MEIS3: variants seen among roughly 807,000 people sequenced by gnomAD.
MEIS3 encodes the protein homeobox protein Meis3.
Under a neutral mutation model 51.4 loss-of-function variants are expected in MEIS3, and 38 were observed. The ratio of observed to expected loss-of-function variants is 0.74; its 90% CI spans 0.57 to 0.97. The LOEUF (loss-of-function observed/expected upper bound fraction) is 0.97, where lower values mean the gene tolerates loss of function less well. Among genes scored for constraint, MEIS3 ranks in the 50% least tolerant of loss-of-function variants. MEIS3 has a pLI of 0.00. For synonymous variants in MEIS3, 198 were observed against 201.8 expected, an observed-to-expected ratio of 0.98 and a Z score of 0.16; for missense variants, 456 against 502.6, an observed-to-expected ratio of 0.91 and a Z score of 0.89.
chr19:47,414,719 G>C lies in MEIS3; in HGVS notation c.595C>G (p.Gln199Glu), dbSNP rs1366843965. 1 of 1,597,412 alleles carries C rather than the reference G, an allele frequency of 6.3e-7. No individual in the cohort carries two copies. The highest frequency in any genetic ancestry group is 8.5e-7 in the Non-Finnish European group (1 of 1,172,906). Reference sequence around the variant, plus strand: ...CCTGGTGCCCGTCCCGGGCCCACCTGGTCTGGGAGGCTGGGGCAGGAGGCT... The same window carrying C: ...CCTGGTGCCCGTCCCGGGCCCACCTCGTCTGGGAGGCTGGGGCAGGAGGCT... Reference protein sequence around the residue: ...YPASCPSLPDQNNMWIRDHED... With the variant: ...YPASCPSLPDENNMWIRDHED... The change falls in exon 6 of 13, where the codon CAG becomes GAG. Residue 199 changes from glutamine to glutamate, a missense_variant and splice_region_variant. Coordinates refer to ENST00000558555, the MANE Select transcript of MEIS3 (RefSeq NM_001301059.2).
At chr19:47,409,078 C>G in intron 8 of MEIS3, 21 bp downstream of exon 8, 1 of 1,604,922 alleles carries the variant, frequency 6.2e-7, no homozygotes, top group Non-Finnish European at 8.5e-7. Flanking sequence ...CCACCCTGCA[C>G]CTGGGCAGCA....
rs1971413013 is a variant in MEIS3, at chr19:47,416,471, C to T, written c.396+181G>A. Reference sequence around the variant, plus strand: ...GGCAGAGCTGGGATTTGAACTCGGGCCATGGGTCCCGTTCTCAGACTCTAG... The same window carrying T: ...GGCAGAGCTGGGATTTGAACTCGGGTCATGGGTCCCGTTCTCAGACTCTAG... On this transcript the variant is annotated intron_variant, in intron 4 of 12. Coordinates refer to ENST00000558555, the MANE Select transcript of MEIS3 (RefSeq NM_001301059.2). 1.1e-5 allele frequency: 6 copies of T among 562,620 alleles called. No individual in the cohort carries two copies. In the South Asian group the frequency reaches 1.7e-4, roughly 16 times the overall value. The allele number at this position is 562,620 out of a possible 1,614,324, so 34.9% of individuals were successfully genotyped here.
chr19:47,403,735 G>T (rs1039195998), intron 12 of MEIS3, among the ~76,000 whole-genome samples, 182 bp from the exon 13 acceptor site: 3 of 152,130 alleles, frequency 2.0e-5, no homozygotes, highest in Non-Finnish European at 4.4e-5. Context: ...GAGAAAGAGG[G>T]AGACAGAGAA....
chr19:47,418,963 GTGT>G, intron 1 of MEIS3, 104 bp downstream of exon 1: 1 of 647,632 alleles, frequency 1.5e-6, no homozygotes, highest in Non-Finnish European at 2.2e-6. Flanking sequence ...GAGCGAGGTG[GTGT>G]AGAGGACGGA....
upstream of MEIS3, among the ~76,000 whole-genome samples, chr19:47,420,379 A>T (rs1226444241): frequency 1.3e-5 from 2 of 149,630 alleles, no homozygotes; most frequent in Non-Finnish European, 3.0e-5. Context: ...TGATTCTGAA[A>T]CCTAGAGGAG....
At position 47,416,761 on chromosome 19, in the gene MEIS3, G is replaced by A. The variant is rs375645047; in HGVS notation, c.345+43C>T. 732 of 1,612,612 alleles carry A rather than the reference G, an allele frequency of 4.5e-4. No individual in the cohort carries two copies. Among genetic ancestry groups the A allele is most frequent in the Non-Finnish European group, 5.8e-4 (686 of 1,179,372 alleles). ...TCCCGCCTTCCACCCACCCCTCCTCGCTGGCTCTCTGACTCGGTGTGTGGT... is the reference window on the plus strand; with the variant it reads ...TCCCGCCTTCCACCCACCCCTCCTCACTGGCTCTCTGACTCGGTGTGTGGT... On this transcript the variant is annotated intron_variant, in intron 3 of 12. Transcript: ENST00000558555.
At chr19:47,409,723 T>C (rs1195185376) in intron 6 of MEIS3, among the ~76,000 whole-genome samples, 176 bp from the exon 7 acceptor site, 2 of 151,566 alleles carry the variant, frequency 1.3e-5, no homozygotes, top group African/African-American at 2.4e-5. Context: ...ATTAGCCGGG[T>C]GTGGTGGCAT....
chr19:47,406,408 G>A, intron 12 of MEIS3, 52 bp downstream of exon 12: 1 of 1,518,396 alleles, frequency 6.6e-7, no homozygotes, highest in Admixed American at 1.7e-5. Flanking sequence ...GAGTCCTGAG[G>A]TCTAATGGAG....
intron 1 of MEIS3, chr19:47,418,411 C>A: frequency 6.5e-6 from 1 of 152,744 alleles, no homozygotes. Flanking sequence ...AAGGCACTCT[C>A]ACCAAAAGCG....
chr19:47,417,785 G>A, intron 1 of MEIS3: 2 of 631,792 alleles, frequency 3.2e-6, no homozygotes, highest in East Asian at 2.7e-5. Flanking sequence ...TTCACAGTTG[G>A]CAGATAAGCG....
At chr19:47,415,949 T>G (rs1971391432) in intron 4 of MEIS3, 1 of 152,090 alleles carries the variant, frequency 6.6e-6, no homozygotes, top group South Asian at 2.1e-4. Flanking sequence ...TGGGCTGGTA[T>G]GCAGTGGAGC....
chr19:47,417,410 C>CTATCCTGAG, intron 1 of MEIS3, 60 bp from the exon 2 acceptor site: 1 of 1,589,294 alleles, frequency 6.3e-7, no homozygotes, highest in Non-Finnish European at 8.6e-7. Flanking sequence ...CCCCGAGACT[C>CTATCCTGAG]GGCTGAGGAG....
Position 47,416,852 on chromosome 19 carries a change from G to A in MEIS3, c.297C>T (p.Val99=), listed in dbSNP as rs981594093. Residue 99 remains valine (V), a synonymous_variant, in exon 3 of 13, where the codon GTC becomes GTT. Coordinates refer to ENST00000558555, the MANE Select transcript of MEIS3 (RefSeq NM_001301059.2). ...AGLGTPPGGD[V]CSSDSFNEDI... Reference sequence around the variant, plus strand: ...CCTCGTTGAAGGAATCAGAGGAGCAGACGTCACCTCCAGGGGGTGTCCCCA... The same window carrying A: ...CCTCGTTGAAGGAATCAGAGGAGCAAACGTCACCTCCAGGGGGTGTCCCCA... The A allele has an allele frequency of 6.2e-7, 1 of 1,614,088 alleles. No homozygotes were observed. Among genetic ancestry groups the A allele is most frequent in the Non-Finnish European group, 8.5e-7 (1 of 1,179,996 alleles).
In MEIS3 at chr19:47,417,097, G is replaced by C. The variant is rs956198519; in HGVS notation, c.185+81C>G. ...GGAGACAGAGACTCGTACACAGAGA[G>C]AGACAGAAGCAGACCCAGGGAGCAA... On this transcript the variant is annotated intron_variant, in intron 2 of 12. Transcript: ENST00000558555. 87 of 1,542,746 alleles carry C rather than the reference G, an allele frequency of 5.6e-5. No homozygotes were observed. In the Middle Eastern group the frequency reaches 1.7e-3, roughly 30 times the overall value.
upstream of MEIS3, among the ~76,000 whole-genome samples, chr19:47,420,764 A>G (rs2122587864): frequency 1.4e-5 from 2 of 145,988 alleles, no homozygotes; most frequent in Non-Finnish European, 3.0e-5. Context: ...AGAGAAATTG[A>G]TTGGGGGAGG....
At chr19:47,409,654 G>C (rs1427931527) in intron 6 of MEIS3, 107 bp from the exon 7 acceptor site, 1 of 703,364 alleles carries the variant, frequency 1.4e-6, no homozygotes, top group African/African-American at 1.8e-5. Flanking sequence ...ACAAGGTCAA[G>C]AGATCAAGAC....
intron 11 of MEIS3, 76 bp from the exon 12 acceptor site, chr19:47,406,602 C>T: frequency 7.2e-7 from 1 of 1,382,992 alleles, no homozygotes; most frequent in Non-Finnish European, 1.0e-6. Context: ...TCCCTCACCC[C>T]TTCCTACACC....
At chr19:47,415,633 G>A (rs917098993) in intron 4 of MEIS3, among the ~76,000 whole-genome samples, 7 of 148,746 alleles carry the variant, frequency 4.7e-5, no homozygotes, top group African/African-American at 1.7e-4. Context: ...GAATGCAGTG[G>A]TGTGATCTTG....
chr19:47,407,264 C>A, intron 9 of MEIS3, 88 bp downstream of exon 9: 1 of 1,517,406 alleles, frequency 6.6e-7, no homozygotes, highest in Non-Finnish European at 8.9e-7. Context: ...GGCAGTGGCT[C>A]TGCGGGGCTC....
Sources: gnomAD v4.1 joint callset for allele counts (sites outside exome capture counted in the v4.1 genomes callset) on GRCh38, gnomAD v4.1.1 for gene constraint, MANE v1.5 for transcripts, NCBI Gene and HGNC (gene_info 2026-07-23, HGNC 2026-07-21) for gene names.